ARHGAP6: variants seen among roughly 807,000 people sequenced by gnomAD.
ARHGAP6 encodes the protein rho GTPase-activating protein 6.
ARHGAP6 carries 16 observed loss-of-function variants against 55.7 expected under a neutral mutation model. The observed-to-expected ratio is 0.29, with a 90% CI of 0.19 to 0.44. The LOEUF (loss-of-function observed/expected upper bound fraction) is 0.44, where lower values mean the gene tolerates loss of function less well. Among genes scored for constraint, ARHGAP6 ranks in the 20% least tolerant of loss-of-function variants. ARHGAP6 has a pLI of 1.00. For missense variants in ARHGAP6, 698 were observed against 808.9 expected (o/e 0.86, Z 1.66); for synonymous variants, 382 against 360.9 (o/e 1.06, Z -0.66).
chrX:11,413,612 G>A (rs2049713946), intron 1 of ARHGAP6, among the ~76,000 whole-genome samples: 1 of 111,663 alleles, frequency 9.0e-6, no homozygotes, highest in African/African-American at 3.3e-5. Context: ...CTCTGAGGGA[G>A]TTCTGGATAC....
chrX:11,512,043 G>A (rs183071064), intron 1 of ARHGAP6, among the ~76,000 whole-genome samples: 3 of 111,038 alleles, frequency 2.7e-5, no homozygotes, highest in East Asian at 5.7e-4. Flanking sequence ...AGCCAGGATG[G>A]TCTTGATCTC....
intron 1 of ARHGAP6, among the ~76,000 whole-genome samples, chrX:11,301,836 G>A (rs1483420179): frequency 2.7e-5 from 3 of 111,755 alleles, no homozygotes; most frequent in African/African-American, 9.8e-5. Flanking sequence ...AGGCCAAATG[G>A]TATTAATACT....
chrX:11,171,019 G>A lies in ARHGAP6; in HGVS notation c.1630-1335C>T, dbSNP rs914099058. The stretch of plus-strand genomic sequence containing the variant: ...AAGAGTCATGTCAGTGGTGTGGCAG[G>A]AATGAGCCACAGTTGCAGAAGTGGA... On this transcript the variant is annotated intron_variant, in intron 8 of 12. Coordinates refer to ENST00000337414, the MANE Select transcript of ARHGAP6 (RefSeq NM_013427.3). 3.6e-5 allele frequency among the ~76,000 whole-genome samples: 4 copies of A among 111,352 alleles called. No homozygotes were observed. In the Admixed American group the frequency reaches 3.8e-4, roughly 11 times the overall value.
intron 1 of ARHGAP6, among the ~76,000 whole-genome samples, chrX:11,432,088 G>T (rs2049945748): frequency 1.8e-5 from 2 of 112,542 alleles, no homozygotes; most frequent in South Asian, 7.5e-4. Flanking sequence ...CCAGGGAGTG[G>T]GGAAAGGCAT....
At chrX:11,656,904 T>C (rs997649167) in intron 1 of ARHGAP6, among the ~76,000 whole-genome samples, 2 of 112,446 alleles carry the variant, frequency 1.8e-5, no homozygotes, top group African/African-American at 6.5e-5. Context: ...CAATTAACAC[T>C]CTGAAAAAAC....
chrX:11,160,444 G>A (rs1380448309), intron 9 of ARHGAP6, among the ~76,000 whole-genome samples: 3 of 99,973 alleles, frequency 3.0e-5, no homozygotes, highest in African/African-American at 1.1e-4. Flanking sequence ...GTGACAGAGC[G>A]AGACTCTGTC....
intron 1 of ARHGAP6, among the ~76,000 whole-genome samples, chrX:11,310,192 C>T (rs1303696206): frequency 1.3e-5 from 1 of 79,799 alleles, no homozygotes; most frequent in Non-Finnish European, 2.3e-5. Context: ...TATCACATCA[C>T]GCCCACTAGG....
chrX:11,227,460 T>A (rs2047065762), intron 2 of ARHGAP6, among the ~76,000 whole-genome samples: 1 of 111,944 alleles, frequency 8.9e-6, no homozygotes, highest in Admixed American at 9.5e-5. Flanking sequence ...GACCTCATTC[T>A]TCCTTGCTTG....
intron 1 of ARHGAP6, among the ~76,000 whole-genome samples, chrX:11,582,044 T>C (rs1343205343): frequency 8.9e-6 from 1 of 111,924 alleles, no homozygotes; most frequent in Non-Finnish European, 1.9e-5. Context: ...ATTGAGCACT[T>C]CGTATGTGCA....
intron 1 of ARHGAP6, among the ~76,000 whole-genome samples, chrX:11,477,037 CAT>C (rs749729498): frequency 1.1e-3 from 124 of 109,576 alleles, no homozygotes; most frequent in Non-Finnish European, 2.0e-3. Context: ...AAAGGCAAGA[CAT>C]AGACTAGGAA....
chrX:11,650,619 G>A (rs937870992), intron 1 of ARHGAP6, among the ~76,000 whole-genome samples: 5 of 112,113 alleles, frequency 4.5e-5, no homozygotes, highest in Non-Finnish European at 9.4e-5. Context: ...TTGTAACTCT[G>A]AATAACTAAT....
chrX:11,201,282 C>T (rs903605719), intron 2 of ARHGAP6, among the ~76,000 whole-genome samples: 1 of 112,044 alleles, frequency 8.9e-6, no homozygotes, highest in Admixed American at 9.5e-5. Context: ...ATCTGACCAC[C>T]ACAACTTCCC....
intron 1 of ARHGAP6, among the ~76,000 whole-genome samples, chrX:11,330,354 C>T (rs1016921951): frequency 1.8e-5 from 2 of 112,251 alleles, no homozygotes; most frequent in Non-Finnish European, 1.9e-5. Flanking sequence ...TTAATCAGCT[C>T]GATTTAATCA....
At chrX:11,514,648 G>A (rs2050818818) in intron 1 of ARHGAP6, among the ~76,000 whole-genome samples, 1 of 110,880 alleles carries the variant, frequency 9.0e-6, no homozygotes, top group Non-Finnish European at 1.9e-5. Flanking sequence ...TATTTGGTAT[G>A]CACAGGCTTC....
At chrX:11,584,224 A>G (rs1267266315) in intron 1 of ARHGAP6, among the ~76,000 whole-genome samples, 1 of 112,222 alleles carries the variant, frequency 8.9e-6, no homozygotes, top group African/African-American at 3.2e-5. Context: ...CCAGATAAGC[A>G]AACACAACCA....
chrX:11,176,262 TATTTGC>T (rs1367740891), intron 8 of ARHGAP6, among the ~76,000 whole-genome samples: 28 of 74,925 alleles, frequency 3.7e-4, no homozygotes, highest in Middle Eastern at 6.1e-3. Context: ...TATATATATA[TATTTGC>T]ATATATTTAT....
chrX:11,147,511 T>C (rs1042905145), intron 10 of ARHGAP6, among the ~76,000 whole-genome samples: 2 of 112,506 alleles, frequency 1.8e-5, no homozygotes, highest in African/African-American at 6.5e-5. Flanking sequence ...TAATGGGGGC[T>C]GGGCATCCAG....
At chrX:11,498,916 A>G (rs2050650408) in intron 1 of ARHGAP6, among the ~76,000 whole-genome samples, 1 of 111,623 alleles carries the variant, frequency 9.0e-6, no homozygotes, top group Non-Finnish European at 1.9e-5. Flanking sequence ...TCTTTTGCTT[A>G]TTTGACATAT....
At chrX:11,306,392 T>A (rs976039964) in intron 1 of ARHGAP6, among the ~76,000 whole-genome samples, 6 of 112,880 alleles carry the variant, frequency 5.3e-5, no homozygotes, top group Non-Finnish European at 1.1e-4. Context: ...GTCAGTATGC[T>A]TAATATCTGC....
Sources: allele counts gnomAD v4.1 joint callset (sites outside exome capture counted in the v4.1 genomes callset), GRCh38; gene constraint gnomAD v4.1.1; transcripts MANE v1.5; gene names NCBI Gene and HGNC (gene_info 2026-07-23, HGNC 2026-07-21).